FAM83B: variants seen among roughly 807,000 people sequenced by gnomAD.
FAM83B encodes protein FAM83B.
A neutral mutation model predicts 38.8 loss-of-function variants in FAM83B; 26 were observed. That is an observed-to-expected ratio of 0.67 (90% CI 0.49 to 0.93). The LOEUF (loss-of-function observed/expected upper bound fraction) is 0.93, where lower values mean the gene tolerates loss of function less well. Among genes scored for constraint, FAM83B ranks in the 40% least tolerant of loss-of-function variants. The probability of loss-of-function intolerance (pLI) is 0.00; values close to 1 mark genes in which losing one functional copy is unlikely to be tolerated. For missense variants in FAM83B, 1,237 were observed against 1,197.3 expected (o/e 1.03, Z -0.49); for synonymous variants, 419 against 423.1 (o/e 0.99, Z 0.12).
intron 2 of FAM83B, 68 bp from the exon 3 acceptor site, chr6:54,926,303 A>G: frequency 9.5e-7 from 1 of 1,057,354 alleles, no homozygotes. Context: ...CTTTACTGAA[A>G]GTAAGCAATT....
intron 2 of FAM83B, among the ~76,000 whole-genome samples, chr6:54,921,759 A>G (rs985933456): frequency 6.6e-6 from 1 of 152,076 alleles, no homozygotes; most frequent in Non-Finnish European, 1.5e-5. Context: ...CTTCAATTAT[A>G]TATAGCCATG....
chr6:54,890,792 G>A (rs1259115082), intron 2 of FAM83B, among the ~76,000 whole-genome samples: 1 of 151,974 alleles, frequency 6.6e-6, no homozygotes, highest in African/African-American at 2.4e-5. Context: ...TTTATCATGT[G>A]CATTAATGTT....
At position 54,870,696 on chromosome 6, in the gene FAM83B, A is replaced by G. The variant is rs765721539; in HGVS notation, c.444+6A>G. ...TGATAAAAGAAGCAAGAAAGGTAATAACATTTCTATTTTGAAATGAAAAAT... is the reference window on the plus strand; with the variant it reads ...TGATAAAAGAAGCAAGAAAGGTAATGACATTTCTATTTTGAAATGAAAAAT... On this transcript the variant is annotated splice_donor_region_variant and intron_variant, in intron 2 of 4. Transcript: ENST00000306858. The G allele has an allele frequency of 4.5e-6, 7 of 1,571,382 alleles. No homozygotes were observed. Among genetic ancestry groups the G allele is most frequent in the Non-Finnish European group, 6.0e-6 (7 of 1,162,324 alleles).
chr6:54,899,481 A>C (rs1192049111), intron 2 of FAM83B, among the ~76,000 whole-genome samples: 3 of 152,132 alleles, frequency 2.0e-5, no homozygotes, highest in Non-Finnish European at 4.4e-5. Flanking sequence ...TCTGTTCAGG[A>C]CTGCTATAAC....
Position 54,914,956 on chromosome 6 carries a change from G to A in FAM83B, c.445-11415G>A, listed in dbSNP as rs145399568. Among the ~76,000 whole-genome samples the A allele has an allele frequency of 4.5e-3, 688 of 152,150 alleles. 3 individuals are homozygous for A. The highest frequency in any genetic ancestry group is 7.5e-3 in the Admixed American group (114 of 15,272). On this transcript the variant is annotated intron_variant, in intron 2 of 4. Coordinates refer to ENST00000306858, the MANE Select transcript of FAM83B (RefSeq NM_001010872.3). ...TCTTCCCTACAGTTTTAGCATATTT[G>A]TATAACTTAATTCTAAGGCAGACTT...
intron 2 of FAM83B, among the ~76,000 whole-genome samples, chr6:54,876,321 G>GTT (rs1771995163): frequency 1.2e-5 from 1 of 86,218 alleles, no homozygotes; most frequent in African/African-American, 4.7e-5. Flanking sequence ...ATATATATAT[G>GTT]TTTTTGTTTT....
chr6:54,914,993 C>G (rs1036218602), intron 2 of FAM83B, among the ~76,000 whole-genome samples: 1 of 152,018 alleles, frequency 6.6e-6, no homozygotes, highest in Non-Finnish European at 1.5e-5. Flanking sequence ...TTCTCTTGTG[C>G]TTATACCATA....
At position 54,913,179 on chromosome 6, in the gene FAM83B, G is replaced by C. The variant is rs535541645; in HGVS notation, c.445-13192G>C. 5.9e-5 allele frequency among the ~76,000 whole-genome samples: 9 copies of C among 152,130 alleles called. No individual in the cohort carries two copies. In the South Asian group the frequency reaches 6.2e-4, roughly 10 times the overall value. On this transcript the variant is annotated intron_variant, in intron 2 of 4. Transcript: ENST00000306858. ...TAGGAAGTTTTGTTTTGCTGTATTTGTTGTGTTAATTGTTGGAAGAATATT... is the reference window on the plus strand; with the variant it reads ...TAGGAAGTTTTGTTTTGCTGTATTTCTTGTGTTAATTGTTGGAAGAATATT...
rs565239427 is a variant in FAM83B at position 54,932,688 on chromosome 6, G to A, written c.734+5056G>A. Among the ~76,000 whole-genome samples, 10 of 130,602 alleles carry A rather than the reference G, an allele frequency of 7.7e-5. No individual in the cohort carries two copies. In the South Asian group the frequency reaches 1.2e-3, roughly 16 times the overall value. 85.7% of individuals were successfully genotyped at this position (130,602 alleles called of 152,430 possible). Reference sequence around the variant, plus strand: ...AGTAGTGAACTCCCTCATTTATCTGGGACAGTCTTAATTTCTCCTTCCTTT... The same window carrying A: ...AGTAGTGAACTCCCTCATTTATCTGAGACAGTCTTAATTTCTCCTTCCTTT... On this transcript the variant is annotated intron_variant, in intron 4 of 4. Coordinates refer to ENST00000306858, the MANE Select transcript of FAM83B (RefSeq NM_001010872.3).
Position 54,942,928 on chromosome 6 carries a change from A to G in FAM83B, c.*921A>G, listed in dbSNP as rs1033999174. Among the ~76,000 whole-genome samples the G allele has an allele frequency of 2.3e-4, 34 of 149,776 alleles. No individual in the cohort carries two copies. The highest frequency in any genetic ancestry group is 8.7e-4 in the Admixed American group (13 of 15,004). ...TCTTTTTTTTTTTCTTTTGAGATGGAGTCTCGCTCTGTCACCCAGGCTAGA... is the reference window on the plus strand; with the variant it reads ...TCTTTTTTTTTTTCTTTTGAGATGGGGTCTCGCTCTGTCACCCAGGCTAGA... On this transcript the variant is annotated 3_prime_UTR_variant, in exon 5 of 5. Coordinates refer to ENST00000306858, the MANE Select transcript of FAM83B (RefSeq NM_001010872.3).
At chr6:54,900,658 G>A (rs997899124) in intron 2 of FAM83B, among the ~76,000 whole-genome samples, 2 of 152,200 alleles carry the variant, frequency 1.3e-5, no homozygotes, top group Non-Finnish European at 2.9e-5. Context: ...GTATGTGTCA[G>A]TGACAATATA....
chr6:54,926,812 T>C (rs180710497), intron 3 of FAM83B, among the ~76,000 whole-genome samples: 10 of 152,150 alleles, frequency 6.6e-5, no homozygotes, highest in Admixed American at 6.5e-4. Flanking sequence ...AGCTCACTGC[T>C]ACCTCCGCCT....
intron 1 of FAM83B, among the ~76,000 whole-genome samples, chr6:54,851,149 C>A (rs1045245760): frequency 6.6e-6 from 1 of 150,518 alleles, no homozygotes; most frequent in African/African-American, 2.4e-5. Context: ...CCCTGTGATT[C>A]TTTTTTTTAG....
intron 2 of FAM83B, among the ~76,000 whole-genome samples, chr6:54,881,422 A>T (rs184326614): frequency 6.6e-6 from 1 of 152,294 alleles, no homozygotes; most frequent in Non-Finnish European, 1.5e-5. Flanking sequence ...GGCTGTATTA[A>T]TTTCATATTA....
At chr6:54,932,386 C>CTTTA (rs1479379417) in intron 4 of FAM83B, among the ~76,000 whole-genome samples, 1 of 152,068 alleles carries the variant, frequency 6.6e-6, no homozygotes, top group African/African-American at 2.4e-5. Context: ...AACTCCACAC[C>CTTTA]TTTATAGCTC....
intron 2 of FAM83B, among the ~76,000 whole-genome samples, chr6:54,919,768 G>A: frequency 6.6e-6 from 1 of 152,020 alleles, no homozygotes; most frequent in South Asian, 2.1e-4. Flanking sequence ...TTATGATAGT[G>A]CTTGAAGTCT....
At chr6:54,907,457 A>G (rs114587236) in intron 2 of FAM83B, among the ~76,000 whole-genome samples, 3 of 152,264 alleles carry the variant, frequency 2.0e-5, no homozygotes, top group Non-Finnish European at 4.4e-5. Flanking sequence ...TCAGAAACCT[A>G]GCACTGCATC....
intron 4 of FAM83B, among the ~76,000 whole-genome samples, chr6:54,933,405 G>A (rs545292588): frequency 6.6e-6 from 1 of 151,368 alleles, no homozygotes; most frequent in African/African-American, 2.4e-5. Context: ...TTTTTTGTTA[G>A]TTTTGTTTGT....
intron 2 of FAM83B, among the ~76,000 whole-genome samples, chr6:54,908,873 G>A (rs534172722): frequency 4.3e-4 from 65 of 152,272 alleles, no homozygotes; most frequent in Non-Finnish European, 7.2e-4. Flanking sequence ...CTTGATTTTG[G>A]TAGGGGGCTG....
Sources: gnomAD v4.1 joint callset for allele counts (sites outside exome capture counted in the v4.1 genomes callset) on GRCh38, gnomAD v4.1.1 for gene constraint, MANE v1.5 for transcripts, NCBI Gene and HGNC (gene_info 2026-07-23, HGNC 2026-07-21) for gene names.